The following SCAMP1 variants were observed in gnomAD, a reference collection of about 807,000 sequenced individuals.
SCAMP1 encodes secretory carrier membrane protein 1.
In SCAMP1, 15 loss-of-function variants were observed where a neutral mutation model predicts 41.8. The ratio of observed to expected loss-of-function variants is 0.36; its 90% CI spans 0.24 to 0.55. The LOEUF (loss-of-function observed/expected upper bound fraction) is 0.55, where lower values mean the gene tolerates loss of function less well. SCAMP1 is among the 20% of genes least tolerant of loss of function. The pLI, the probability that SCAMP1 is intolerant of heterozygous loss-of-function variation, is 0.86. For missense variants in SCAMP1, 341 were observed against 412.6 expected (o/e 0.83, Z 1.50); for synonymous variants, 135 against 136.8 (o/e 0.99, Z 0.09).
At chr5:78,449,537 A>C (rs989736731) in intron 6 of SCAMP1, among the ~76,000 whole-genome samples, 2 of 152,228 alleles carry the variant, frequency 1.3e-5, no homozygotes, top group African/African-American at 4.8e-5. Flanking sequence ...GTGATTGGGG[A>C]ATCAAGTATA....
At chr5:78,451,677 A>G (rs1489289163) in intron 7 of SCAMP1, among the ~76,000 whole-genome samples, 1 of 152,146 alleles carries the variant, frequency 6.6e-6, no homozygotes, top group African/African-American at 2.4e-5. Context: ...TGATTGATTG[A>G]GACAGAGTCT....
At chr5:78,472,159 C>G (rs1259221620) in intron 8 of SCAMP1, among the ~76,000 whole-genome samples, 1 of 151,958 alleles carries the variant, frequency 6.6e-6, no homozygotes, top group Non-Finnish European at 1.5e-5. Flanking sequence ...GGCTGTGCAA[C>G]TTGGTGATAA....
chr5:78,362,936 C>T (rs1309828147), intron 1 of SCAMP1, among the ~76,000 whole-genome samples: 32 of 147,918 alleles, frequency 2.2e-4, no homozygotes, highest in Non-Finnish European at 3.9e-4. Context: ...ACTGTTGCCC[C>T]GGCTGGAGTG....
At chr5:78,453,008 C>T (rs941593989) in intron 7 of SCAMP1, among the ~76,000 whole-genome samples, 1 of 147,350 alleles carries the variant, frequency 6.8e-6, no homozygotes, top group Non-Finnish European at 1.5e-5. Context: ...TGTTCATGTC[C>T]TTCGCCCACT....
At chr5:78,366,853 G>A (rs901975123) in intron 1 of SCAMP1, among the ~76,000 whole-genome samples, 1 of 150,444 alleles carries the variant, frequency 6.6e-6, no homozygotes, top group Admixed American at 6.7e-5. Flanking sequence ...GGGTGTGGTG[G>A]TGCACACCTG....
intron 8 of SCAMP1, among the ~76,000 whole-genome samples, chr5:78,472,287 A>G (rs2115437): frequency 0.054 from 8,208 of 152,150 alleles, 432 homozygotes; most frequent in East Asian, 0.3. Flanking sequence ...CATGTGCAGA[A>G]CATGCAGGTT....
chr5:78,456,711 C>G (rs1229692272), intron 7 of SCAMP1, among the ~76,000 whole-genome samples: 1 of 150,836 alleles, frequency 6.6e-6, no homozygotes, highest in Non-Finnish European at 1.5e-5. Context: ...CTCTGTATTT[C>G]CTGAATCTGA....
At chr5:78,409,645 A>G (rs906604807) in intron 2 of SCAMP1, among the ~76,000 whole-genome samples, 1 of 152,206 alleles carries the variant, frequency 6.6e-6, no homozygotes, top group East Asian at 1.9e-4. Flanking sequence ...TATCAGGATA[A>G]TAGCTATTAG....
intron 2 of SCAMP1, among the ~76,000 whole-genome samples, chr5:78,408,623 C>T (rs1266746249): frequency 1.3e-5 from 2 of 152,072 alleles, no homozygotes; most frequent in African/African-American, 2.4e-5. Context: ...GTTTTGGAGA[C>T]AGGATCTTGC....
intron 8 of SCAMP1, among the ~76,000 whole-genome samples, chr5:78,473,213 T>A (rs1030029256): frequency 6.6e-6 from 1 of 152,204 alleles, no homozygotes; most frequent in Non-Finnish European, 1.5e-5. Flanking sequence ...TTTGACACTT[T>A]GATCTGTAGT....
At chr5:78,426,828 T>C (rs1477803110) in intron 6 of SCAMP1, among the ~76,000 whole-genome samples, 1 of 152,226 alleles carries the variant, frequency 6.6e-6, no homozygotes, top group Non-Finnish European at 1.5e-5. Flanking sequence ...CATCTAGTCT[T>C]TTGCTGTTTT....
intron 1 of SCAMP1, among the ~76,000 whole-genome samples, chr5:78,378,972 CA>C (rs1230291211): frequency 6.6e-6 from 1 of 152,164 alleles, no homozygotes; most frequent in Non-Finnish European, 1.5e-5. Flanking sequence ...CAGGTGACCG[CA>C]ATGCGTGCTG....
intron 7 of SCAMP1, among the ~76,000 whole-genome samples, chr5:78,453,162 T>C (rs1410124934): frequency 6.6e-6 from 1 of 151,458 alleles, no homozygotes; most frequent in African/African-American, 2.4e-5. Context: ...GGTAGTTTCT[T>C]TTGCTGTGCA....
At chr5:78,442,759 G>T (rs559257485) in intron 6 of SCAMP1, among the ~76,000 whole-genome samples, 3 of 152,122 alleles carry the variant, frequency 2.0e-5, no homozygotes, top group Admixed American at 6.5e-5. Context: ...TGAGATTTTA[G>T]TTGTTATATT....
At chr5:78,442,326 C>T (rs188602954) in intron 6 of SCAMP1, among the ~76,000 whole-genome samples, 16 of 152,180 alleles carry the variant, frequency 1.1e-4, no homozygotes, top group South Asian at 4.2e-4. Flanking sequence ...GCTAGGGTGC[C>T]GTGGCTCTAT....
chr5:78,425,532 A>G (rs1752447948), intron 6 of SCAMP1, among the ~76,000 whole-genome samples: 1 of 152,214 alleles, frequency 6.6e-6, no homozygotes, highest in Admixed American at 6.5e-5. Flanking sequence ...TAAAAGTGAT[A>G]CATCTTTGTA....
At chr5:78,384,368 G>T (rs932650546) in intron 1 of SCAMP1, among the ~76,000 whole-genome samples, 2 of 151,858 alleles carry the variant, frequency 1.3e-5, no homozygotes, top group Admixed American at 6.6e-5. Flanking sequence ...AATCTTGAGG[G>T]TTTTCTAGGT....
intron 8 of SCAMP1, among the ~76,000 whole-genome samples, chr5:78,471,807 C>T (rs1178850792): frequency 6.6e-6 from 1 of 152,114 alleles, no homozygotes; most frequent in African/African-American, 2.4e-5. Context: ...CATTTATATA[C>T]ATTCTGATTT....
intron 3 of SCAMP1, 143 bp downstream of exon 3, chr5:78,415,761 G>A (rs1752195177): frequency 3.3e-6 from 2 of 612,650 alleles, no homozygotes; most frequent in African/African-American, 1.9e-5. Context: ...TTGCTGTCTT[G>A]TCACCCTTCA....
Sources: gnomAD v4.1 joint callset for allele counts (sites outside exome capture counted in the v4.1 genomes callset) on GRCh38, gnomAD v4.1.1 for gene constraint, MANE v1.5 for transcripts, NCBI Gene and HGNC (gene_info 2026-07-23, HGNC 2026-07-21) for gene names.